Variants in MALRD1 observed in about 807,000 individuals in gnomAD.
MALRD1 encodes MAM and LDL-receptor class A domain-containing protein 1.
Under a neutral mutation model 242.1 loss-of-function variants are expected in MALRD1, and 247 were observed. The ratio of observed to expected loss-of-function variants is 1.02; its 90% CI spans 0.92 to 1.13. MALRD1 has a LOEUF of 1.13. MALRD1 is among the 50% of genes most tolerant of loss of function. The pLI is 0.00. For missense variants in MALRD1, 2,989 were observed against 2,533.1 expected (o/e 1.18, Z -3.86); for synonymous variants, 995 against 866.6 (o/e 1.15, Z -2.60).
rs375436086 is a variant in MALRD1, at chr10:19,243,783, A to G, written c.2992-13901A>G. On this transcript the variant is annotated intron_variant, in intron 18 of 39. Coordinates refer to ENST00000454679, the MANE Select transcript of MALRD1 (RefSeq NM_001142308.3). ...CTAGATTTAGAAATATGTAATAACCATAAGCTTGGGTCTGCTTCTTCAGAA... is the reference window on the plus strand; with the variant it reads ...CTAGATTTAGAAATATGTAATAACCGTAAGCTTGGGTCTGCTTCTTCAGAA... Among the ~76,000 whole-genome samples, 82 of 152,324 alleles carry G rather than the reference A, an allele frequency of 5.4e-4. 2 individuals carry two copies. The highest frequency in any genetic ancestry group is 1.9e-3 in the African/African-American group (81 of 41,572).
intron 36 of MALRD1, among the ~76,000 whole-genome samples, chr10:19,629,908 G>A (rs1046685727): frequency 9.2e-5 from 14 of 152,270 alleles, no homozygotes; most frequent in South Asian, 2.1e-4. Flanking sequence ...CTGTTGCTAG[G>A]TGGCTGATCT....
intron 33 of MALRD1, 66 bp downstream of exon 33, chr10:19,567,769 T>G: frequency 7.4e-7 from 1 of 1,345,410 alleles, no homozygotes; most frequent in Admixed American, 2.1e-5. Flanking sequence ...ACTAAAGATT[T>G]GGGAATTTCT....
chr10:19,662,056 A>T (rs748013309), intron 36 of MALRD1, among the ~76,000 whole-genome samples: 13 of 152,186 alleles, frequency 8.5e-5, no homozygotes, highest in Admixed American at 1.3e-4. Flanking sequence ...TATCCAAACA[A>T]GTAGCATCTG....
chr10:19,602,292 C>T (rs1589293219), intron 34 of MALRD1, among the ~76,000 whole-genome samples: 1 of 149,696 alleles, frequency 6.7e-6, no homozygotes, highest in Non-Finnish European at 1.5e-5. Context: ...GTGTGCTGCA[C>T]CCATTAACTC....
chr10:19,573,594 A>C (rs1343047981), intron 33 of MALRD1, among the ~76,000 whole-genome samples: 1 of 152,076 alleles, frequency 6.6e-6, no homozygotes, highest in Admixed American at 6.6e-5. Context: ...CCCCCTAAAA[A>C]AGAAAAAATT....
At position 19,205,049 on chromosome 10, in the gene MALRD1, T is replaced by A; in HGVS notation, c.2362T>A (p.Phe788Ile). Residue 788 changes from phenylalanine (F) to isoleucine (I), a missense_variant, in exon 17 of 40, where the codon TTC becomes ATC. Transcript: ENST00000454679. ...TCAGCTAGGGCGCCTTTCGCAGCCC[T>A]TCCATTTGTCACTAGATAAAGTCAG... ...TIQLGRLSQP[F>I]HLSLDKVSLG... 1 of 1,550,768 alleles carries A rather than the reference T, an allele frequency of 6.4e-7. No individual in the cohort carries two copies. The highest frequency in any genetic ancestry group is 1.2e-5 in the South Asian group (1 of 84,060).
chr10:19,639,275 T>C (rs1840279782), intron 36 of MALRD1, among the ~76,000 whole-genome samples: 1 of 152,234 alleles, frequency 6.6e-6, no homozygotes, highest in Non-Finnish European at 1.5e-5. Context: ...TAAATGAGTT[T>C]ATTATTTGTC....
At chr10:19,439,036 T>A (rs970377858) in intron 28 of MALRD1, among the ~76,000 whole-genome samples, 7 of 152,300 alleles carry the variant, frequency 4.6e-5, no homozygotes, top group East Asian at 1.9e-4. Flanking sequence ...GTCATAGATA[T>A]GTTTACAAGA....
intron 31 of MALRD1, among the ~76,000 whole-genome samples, chr10:19,506,995 A>G (rs1833171672): frequency 6.6e-6 from 1 of 152,084 alleles, no homozygotes; most frequent in South Asian, 2.1e-4. Flanking sequence ...GGAAGGCCTC[A>G]GGAAGCTTGC....
chr10:19,713,800 C>T (rs1834252525), intron 38 of MALRD1, among the ~76,000 whole-genome samples: 1 of 152,200 alleles, frequency 6.6e-6, no homozygotes, highest in Admixed American at 6.5e-5. Context: ...AGTGGTCAGT[C>T]TGGTTCTGGA....
chr10:19,271,196 A>G (rs989247978), intron 19 of MALRD1, among the ~76,000 whole-genome samples: 10 of 152,236 alleles, frequency 6.6e-5, no homozygotes, highest in Admixed American at 6.5e-4. Context: ...CAAAATCATT[A>G]ACGGTAGAAT....
intron 29 of MALRD1, among the ~76,000 whole-genome samples, chr10:19,458,892 T>TTATA (rs35759245): frequency 1.3e-5 from 2 of 149,872 alleles, no homozygotes; most frequent in African/African-American, 2.5e-5. Flanking sequence ...TATAGTTGAG[T>TTATA]TATATATATA....
intron 14 of MALRD1, among the ~76,000 whole-genome samples, chr10:19,176,358 T>G (rs1835233771): frequency 7.6e-6 from 1 of 131,664 alleles, no homozygotes; most frequent in Admixed American, 8.6e-5. Flanking sequence ...AGTGTATATT[T>G]CTGGGTGCTT....
intron 18 of MALRD1, among the ~76,000 whole-genome samples, chr10:19,249,422 TGA>T (rs1839208537): frequency 6.6e-6 from 1 of 151,858 alleles, no homozygotes; most frequent in Admixed American, 6.6e-5. Flanking sequence ...GTTTTTTTTT[TGA>T]TAATTATATG....
intron 18 of MALRD1, among the ~76,000 whole-genome samples, chr10:19,255,391 T>G (rs574689560): frequency 1.3e-5 from 2 of 152,156 alleles, no homozygotes; most frequent in African/African-American, 4.8e-5. Context: ...AGTGACATTT[T>G]CATAATAGAG....
chr10:19,053,102 CT>C (rs1169924288), intron 1 of MALRD1, among the ~76,000 whole-genome samples: 1 of 152,122 alleles, frequency 6.6e-6, no homozygotes, highest in Non-Finnish European at 1.5e-5. Context: ...CTCTCATCAG[CT>C]GATGCATTGT....
At chr10:19,512,366 A>G (rs1284272731) in intron 31 of MALRD1, among the ~76,000 whole-genome samples, 2 of 152,202 alleles carry the variant, frequency 1.3e-5, no homozygotes, top group Admixed American at 6.5e-5. Flanking sequence ...CTTTCCAGGG[A>G]GAATAGATAT....
intron 32 of MALRD1, among the ~76,000 whole-genome samples, chr10:19,547,511 T>A (rs1235561857): frequency 2.0e-5 from 3 of 151,826 alleles, no homozygotes; most frequent in Non-Finnish European, 4.4e-5. Flanking sequence ...TCTGAAATTA[T>A]TATTTTTTTA....
intron 36 of MALRD1, among the ~76,000 whole-genome samples, chr10:19,628,975 A>C (rs1470815560): frequency 6.6e-6 from 1 of 152,112 alleles, no homozygotes; most frequent in African/African-American, 2.4e-5. Context: ...AATGTGATTG[A>C]AGGTGAAGCA....
Sources: allele counts gnomAD v4.1 joint callset (sites outside exome capture counted in the v4.1 genomes callset), GRCh38; gene constraint gnomAD v4.1.1; transcripts MANE v1.5; gene names NCBI Gene and HGNC (gene_info 2026-07-23, HGNC 2026-07-21).